Variants in EPB41 observed in about 807,000 individuals in gnomAD.
EPB41 encodes the protein protein 4.1.
In EPB41, 65 loss-of-function variants were observed where a neutral mutation model predicts 108.0. That is an observed-to-expected ratio of 0.60 (90% CI 0.49 to 0.74). EPB41 has a LOEUF of 0.74. EPB41 is among the 30% of genes least tolerant of loss of function. The pLI, the probability that EPB41 is intolerant of heterozygous loss-of-function variation, is 0.00. For missense variants in EPB41, 875 were observed against 1,037.0 expected (o/e 0.84, Z 2.15); for synonymous variants, 336 against 358.9 (o/e 0.94, Z 0.72).
At chr1:29,055,930 C>CAAAAAAAAAA (rs35702090) in intron 12 of EPB41, among the ~76,000 whole-genome samples, 1 of 59,388 alleles carries the variant, frequency 1.7e-5, no homozygotes, top group South Asian at 6.9e-4. Flanking sequence ...AAGACTGTCT[C>CAAAAAAAAAA]AAAAAAAAAA....
intron 4 of EPB41, among the ~76,000 whole-genome samples, chr1:28,998,864 G>A (rs1347529087): frequency 1.3e-5 from 2 of 152,114 alleles, no homozygotes; most frequent in Non-Finnish European, 2.9e-5. Context: ...CATTTGATTT[G>A]ATCATTTCAC....
At position 29,118,938 on chromosome 1, in the gene EPB41, G is replaced by T. The variant is rs1574153620; in HGVS notation, c.*2126G>T. ...GTAGGAAGAGCTACCAGGGCTTCCA[G>T]ACCTGTGGAACGAAGAGGATGGGGA... On this transcript the variant is annotated 3_prime_UTR_variant, in exon 21 of 21. Transcript: ENST00000343067. The T allele has an allele frequency of 6.6e-6, 1 of 152,340 alleles. No homozygotes were observed. The highest frequency in any genetic ancestry group is 1.9e-4 in the East Asian group (1 of 5,202). The allele number at this position is 152,340 out of a possible 1,614,324, so 9.4% of individuals were successfully genotyped here.
chr1:29,069,290 C>T (rs1261277551), intron 16 of EPB41: 1 of 1,231,444 alleles, frequency 8.1e-7, no homozygotes, highest in Admixed American at 4.2e-5. Context: ...TTTTTCCTTT[C>T]ATAGATAACA....
At chr1:28,896,171 T>A (rs1241941308) in intron 1 of EPB41, among the ~76,000 whole-genome samples, 1 of 152,230 alleles carries the variant, frequency 6.6e-6, no homozygotes, top group East Asian at 1.9e-4. Context: ...CTCTTAGGCT[T>A]CTTGTGAGGA....
chr1:28,968,589 TA>T (rs1166274339), intron 1 of EPB41, among the ~76,000 whole-genome samples: 10 of 152,122 alleles, frequency 6.6e-5, no homozygotes, highest in Non-Finnish European at 1.5e-4. Flanking sequence ...ACACTTAATA[TA>T]AAACTGTGAA....
rs548958873 is a variant in EPB41 at position 28,953,307 on chromosome 1, T to G, written c.-7-34124T>G. ...TGGTAGAGTTTAATAGGTTTCTTGG[T>G]TTTTTTTTTGTATTTCCTGTAAATT... On this transcript the variant is annotated intron_variant, in intron 1 of 20. Coordinates refer to ENST00000343067, the MANE Select transcript of EPB41 (RefSeq NM_001376013.1). Among the ~76,000 whole-genome samples the G allele has an allele frequency of 1.5e-3, 174 of 115,958 alleles. 1 individual carries two copies. In the South Asian group the frequency reaches 0.027, roughly 18 times the overall value. 76.1% of individuals were successfully genotyped at this position (115,958 alleles called of 152,430 possible). A position where few individuals can be genotyped will look rare whatever the true frequency, so the allele number is the denominator to read the frequency against.
intron 4 of EPB41, among the ~76,000 whole-genome samples, chr1:29,002,726 T>G (rs2096322376): frequency 1.3e-5 from 2 of 152,182 alleles, no homozygotes; most frequent in African/African-American, 4.8e-5. Flanking sequence ...CTAATTGGCT[T>G]TTATTTGTGA....
chr1:29,105,432 T>G (rs1047388562), intron 17 of EPB41, among the ~76,000 whole-genome samples: 3 of 151,738 alleles, frequency 2.0e-5, no homozygotes, highest in Non-Finnish European at 2.9e-5. Flanking sequence ...GAGACGGGGT[T>G]TCACCATGTT....
chr1:28,986,338 C>T (rs901744248), intron 1 of EPB41, among the ~76,000 whole-genome samples: 2 of 152,138 alleles, frequency 1.3e-5, no homozygotes, highest in Admixed American at 6.6e-5. Context: ...AAAGTCCCCA[C>T]GTGTGTTGGT....
intron 15 of EPB41, among the ~76,000 whole-genome samples, chr1:29,061,705 G>A (rs1378833477): frequency 1.4e-5 from 2 of 144,872 alleles, no homozygotes; most frequent in African/African-American, 5.2e-5. Context: ...TCAATCTCCT[G>A]AATAGCTGGG....
chr1:29,018,479 T>A lies in EPB41; in HGVS notation c.1124+37T>A, dbSNP rs911979168. Reference sequence around the variant, plus strand: ...TCCAGGGTTTGTTCGGTGTTTGTTTTGGCGATTAGTTTAAACACAACATGG... The same window carrying A: ...TCCAGGGTTTGTTCGGTGTTTGTTTAGGCGATTAGTTTAAACACAACATGG... On this transcript the variant is annotated intron_variant, in intron 7 of 20. Transcript: ENST00000343067. The surrounding 1 kb of genome is among the most constrained non-coding windows in gnomAD (Gnocchi z 4.4). 13 of 1,525,370 alleles carry A rather than the reference T, an allele frequency of 8.5e-6. No individual in the cohort carries two copies. The highest frequency in any genetic ancestry group is 2.0e-5 in the African/African-American group (1 of 48,872). The allele number at this position is 1,525,370 out of a possible 1,614,324, so 94.5% of individuals were successfully genotyped here.
rs1490916791 is a variant in EPB41, at chr1:29,061,015, T to C, written c.2007+531T>C. On this transcript the variant is annotated intron_variant, in intron 15 of 20. Transcript: ENST00000343067. Reference sequence around the variant, plus strand: ...CATTTAATAAGTAGTTACTATAAGATGGTTTAATCATAAAAACAGGCCTGT... The same window carrying C: ...CATTTAATAAGTAGTTACTATAAGACGGTTTAATCATAAAAACAGGCCTGT... Among the ~76,000 whole-genome samples, 5 of 152,084 alleles carry C rather than the reference T, an allele frequency of 3.3e-5. No individual in the cohort carries two copies. The East Asian group carries it at 9.7e-4, about 29-fold the overall frequency.
intron 1 of EPB41, among the ~76,000 whole-genome samples, chr1:28,898,180 G>A (rs898463215): frequency 1.3e-5 from 2 of 152,100 alleles, no homozygotes; most frequent in African/African-American, 2.4e-5. Flanking sequence ...TAGGGCCCAC[G>A]TCAGGCAGAC....
chr1:28,989,652 G>GAA (rs1427191333), intron 2 of EPB41, among the ~76,000 whole-genome samples: 5 of 152,156 alleles, frequency 3.3e-5, no homozygotes, highest in African/African-American at 1.2e-4. Context: ...AAACAAGGTT[G>GAA]AAAACAAGAT....
chr1:29,053,509 A>T (rs1421668199), intron 12 of EPB41, 197 bp downstream of exon 12: 1 of 659,184 alleles, frequency 1.5e-6, no homozygotes, highest in Non-Finnish European at 2.7e-6. Context: ...ACTGTAAGCT[A>T]TCTCAGAAGT....
chr1:28,970,801 A>T (rs2095474832), intron 1 of EPB41, among the ~76,000 whole-genome samples: 1 of 152,218 alleles, frequency 6.6e-6, no homozygotes. Context: ...AAATCCATGC[A>T]TTGAAGTTGT....
chr1:28,911,831 C>G (rs1424764028), upstream of EPB41, among the ~76,000 whole-genome samples: 1 of 152,062 alleles, frequency 6.6e-6, no homozygotes, highest in South Asian at 2.1e-4. Context: ...TCACCTGAGG[C>G]TGGGGGTTCG....
chr1:29,032,424 G>A lies in EPB41; in HGVS notation c.1213-669G>A, dbSNP rs534148057. On this transcript the variant is annotated intron_variant, in intron 8 of 20. Coordinates refer to ENST00000343067, the MANE Select transcript of EPB41 (RefSeq NM_001376013.1). ...TCTCAGTTACATAGTCACTGAATTG[G>A]AACTGTATGTAATTCCTGCTTCTCT... Among the ~76,000 whole-genome samples the A allele has an allele frequency of 9.2e-5, 14 of 152,236 alleles. No individual in the cohort carries two copies. The South Asian group carries it at 2.5e-3, about 27-fold the overall frequency.
intron 8 of EPB41, among the ~76,000 whole-genome samples, chr1:29,031,366 T>G (rs1030357140): frequency 3.9e-5 from 6 of 152,156 alleles, no homozygotes; most frequent in Non-Finnish European, 7.4e-5. Flanking sequence ...AATATGTAGA[T>G]CCCTGAGCTT....
Sources: allele counts gnomAD v4.1 joint callset (sites outside exome capture counted in the v4.1 genomes callset), GRCh38; gene constraint gnomAD v4.1.1; non-coding constraint Gnocchi (gnomAD v3.1); transcripts MANE v1.5; gene names NCBI Gene and HGNC (gene_info 2026-07-23, HGNC 2026-07-21).